LDLRAD4: variants seen among roughly 807,000 people sequenced by gnomAD.
LDLRAD4 encodes the protein low-density lipoprotein receptor class A domain-containing protein 4.
In LDLRAD4, 5 loss-of-function variants were observed where a neutral mutation model predicts 17.0. The ratio of observed to expected loss-of-function variants is 0.29; its 90% CI spans 0.15 to 0.62. The LOEUF (loss-of-function observed/expected upper bound fraction) is 0.62, where lower values mean the gene tolerates loss of function less well. Among genes scored for constraint, LDLRAD4 ranks in the 20% least tolerant of loss-of-function variants. The pLI, the probability that LDLRAD4 is intolerant of heterozygous loss-of-function variation, is 0.84. For synonymous variants in LDLRAD4, 168 were observed against 171.8 expected (o/e 0.98, Z 0.17); for missense variants, 340 against 424.7 (o/e 0.80, Z 1.75).
chr18:13,415,767 G>A lies in LDLRAD4; in HGVS notation c.41-22477G>A, dbSNP rs2088833891. On this transcript the variant is annotated intron_variant, in intron 2 of 5. Coordinates refer to ENST00000359446, the Ensembl canonical transcript of LDLRAD4. ...CTCCAAGGAAAAGCCAGGGCCTGGA[G>A]CCAGGGCCACGCTGCCCGGTGTCCC... is the stretch of plus-strand genomic sequence containing the variant. Among the ~76,000 whole-genome samples the A allele has an allele frequency of 2.6e-5, 4 of 152,340 alleles. No individual in the cohort carries two copies. The South Asian group carries it at 8.3e-4, about 32-fold the overall frequency.
At chr18:13,473,615 C>T (rs2092836963) in intron 3 of LDLRAD4, among the ~76,000 whole-genome samples, 2 of 119,978 alleles carry the variant, frequency 1.7e-5, no homozygotes, top group Admixed American at 2.1e-4. Flanking sequence ...CCAGTCTGGG[C>T]AGCACAGTAA....
chr18:13,405,474 G>C (rs1315012671), intron 2 of LDLRAD4, among the ~76,000 whole-genome samples: 1 of 151,952 alleles, frequency 6.6e-6, no homozygotes, highest in Non-Finnish European at 1.5e-5. Context: ...CCATTTTGGA[G>C]AGCAGTGATG....
chr18:13,337,100 C>T (rs532492834), intron 1 of LDLRAD4, among the ~76,000 whole-genome samples: 1 of 152,186 alleles, frequency 6.6e-6, no homozygotes, highest in African/African-American at 2.4e-5. Flanking sequence ...CTCTCCATCT[C>T]TGATGCACTA....
chr18:13,487,550 G>T (rs1326107430), intron 3 of LDLRAD4: 2 of 152,274 alleles, frequency 1.3e-5, no homozygotes, highest in Non-Finnish European at 2.9e-5. Flanking sequence ...CATGGCCAGG[G>T]TTCTTACAGC....
chr18:13,615,855 C>T (rs533351549), intron 3 of LDLRAD4: 7 of 152,330 alleles, frequency 4.6e-5, no homozygotes, highest in African/African-American at 1.7e-4. Context: ...GCGTGCCCTG[C>T]TTTCTAGCAC....
chr18:13,377,924 T>G (rs1046258361), intron 1 of LDLRAD4, among the ~76,000 whole-genome samples: 3 of 152,156 alleles, frequency 2.0e-5, no homozygotes, highest in East Asian at 3.9e-4. Context: ...TGTGAAAAAT[T>G]ATATAAAGTG....
chr18:13,519,222 T>C (rs900828246), intron 3 of LDLRAD4, among the ~76,000 whole-genome samples: 3 of 152,212 alleles, frequency 2.0e-5, no homozygotes, highest in Non-Finnish European at 2.9e-5. Flanking sequence ...TCCAGCACTT[T>C]AGTTGTTTCC....
At chr18:13,510,840 G>C (rs2093766670) in intron 3 of LDLRAD4, among the ~76,000 whole-genome samples, 1 of 152,166 alleles carries the variant, frequency 6.6e-6, no homozygotes, top group Non-Finnish European at 1.5e-5. Flanking sequence ...TGGGGCAGAG[G>C]GAGATACGGC....
At chr18:13,417,482 G>A (rs1001079320) in intron 2 of LDLRAD4, among the ~76,000 whole-genome samples, 18 of 150,784 alleles carry the variant, frequency 1.2e-4, no homozygotes, top group Non-Finnish European at 4.4e-5. Context: ...ACCCAGGCTG[G>A]AGTGCAGTGG....
chr18:13,641,659 A>C (rs2042572218), intron 4 of LDLRAD4: 1 of 656,860 alleles, frequency 1.5e-6, no homozygotes, highest in African/African-American at 2.0e-5. Flanking sequence ...GGCCCAGAGG[A>C]GCAGCAGGCG....
intron 3 of LDLRAD4, among the ~76,000 whole-genome samples, chr18:13,453,665 C>T (rs2091965974): frequency 6.6e-6 from 1 of 152,182 alleles, no homozygotes; most frequent in Non-Finnish European, 1.5e-5. Context: ...CTGAGAGAGA[C>T]GTTGATCAGG....
At chr18:13,466,834 T>C (rs1331201069) in intron 3 of LDLRAD4, among the ~76,000 whole-genome samples, 1 of 152,176 alleles carries the variant, frequency 6.6e-6, no homozygotes. Flanking sequence ...TGTTATATCT[T>C]CACATGGTGG....
intron 3 of LDLRAD4, chr18:13,515,854 G>A (rs1351898535): frequency 2.0e-5 from 3 of 152,144 alleles, no homozygotes; most frequent in Admixed American, 6.5e-5. Context: ...CGCCCAGGCT[G>A]GAGTGCAACC....
intron 4 of LDLRAD4, among the ~76,000 whole-genome samples, chr18:13,624,180 A>C (rs368465306): frequency 3.3e-5 from 3 of 91,482 alleles, no homozygotes; most frequent in Non-Finnish European, 5.4e-5. Context: ...GCACTGCCGG[A>C]CCCACCAGGT....
At chr18:13,515,090 A>T (rs983207947) in intron 3 of LDLRAD4, 1 of 152,210 alleles carries the variant, frequency 6.6e-6, no homozygotes, top group Non-Finnish European at 1.5e-5. Flanking sequence ...GAATTACATA[A>T]CTGTTAAAGG....
chr18:13,381,928 T>G (rs1444156140), intron 1 of LDLRAD4, among the ~76,000 whole-genome samples: 2 of 152,230 alleles, frequency 1.3e-5, no homozygotes, highest in Admixed American at 1.3e-4. Flanking sequence ...AGGTTTAGAA[T>G]GACCTCTTTG....
intron 1 of LDLRAD4, among the ~76,000 whole-genome samples, chr18:13,306,832 G>A (rs186694151): frequency 1.3e-4 from 20 of 152,280 alleles, no homozygotes; most frequent in African/African-American, 4.3e-4. Flanking sequence ...AAAAAGGTGC[G>A]CCAGGGGAGA....
chr18:13,386,373 A>G (rs1047664093), intron 1 of LDLRAD4, among the ~76,000 whole-genome samples: 5 of 148,194 alleles, frequency 3.4e-5, no homozygotes, highest in African/African-American at 1.2e-4. Flanking sequence ...TTATTATTCT[A>G]TTTTTTTTTT....
At chr18:13,312,971 T>C (rs1044410095) in intron 1 of LDLRAD4, among the ~76,000 whole-genome samples, 7 of 152,188 alleles carry the variant, frequency 4.6e-5, no homozygotes, top group Non-Finnish European at 8.8e-5. Flanking sequence ...ATAACACGGC[T>C]CTGTTTGTGC....
Sources: gnomAD v4.1 joint callset for allele counts (sites outside exome capture counted in the v4.1 genomes callset) on GRCh38, gnomAD v4.1.1 for gene constraint, MANE v1.5 for transcripts, NCBI Gene and HGNC (gene_info 2026-07-23, HGNC 2026-07-21) for gene names.